The following RYR2 variants were observed in gnomAD, a reference collection of about 807,000 sequenced individuals.
RYR2 encodes the protein ryanodine receptor 2.
A neutral mutation model predicts 601.1 loss-of-function variants in RYR2; 227 were observed. The observed-to-expected ratio is 0.38, with a 90% CI of 0.34 to 0.42. The LOEUF (loss-of-function observed/expected upper bound fraction) is 0.42, where lower values mean the gene tolerates loss of function less well. RYR2 is among the 10% of genes least tolerant of loss of function. The probability of loss-of-function intolerance (pLI) is 1.00; values close to 1 mark genes in which losing one functional copy is unlikely to be tolerated. For missense variants in RYR2, 4,646 were observed against 6,156.5 expected (o/e 0.75, Z 8.21); for synonymous variants, 2,223 against 2,175.1 (o/e 1.02, Z -0.61).
intron 39 of RYR2, among the ~76,000 whole-genome samples, chr1:237,624,558 A>C (rs553406201): frequency 2.0e-5 from 3 of 152,194 alleles, no homozygotes; most frequent in Non-Finnish European, 4.4e-5. Context: ...GATCACAAAC[A>C]GTTGTATTTA....
At chr1:237,716,135 A>G (rs1288882370) in intron 71 of RYR2, among the ~76,000 whole-genome samples, 5 of 152,098 alleles carry the variant, frequency 3.3e-5, no homozygotes, top group Admixed American at 2.0e-4. Context: ...ACATAATTGT[A>G]TATTTTATAA....
chr1:237,195,395 A>G (rs914405251), intron 1 of RYR2, among the ~76,000 whole-genome samples: 13 of 152,170 alleles, frequency 8.5e-5, no homozygotes, highest in Non-Finnish European at 1.6e-4. Flanking sequence ...CTGGGATTAC[A>G]GGTGTGTATC....
At chr1:237,335,612 G>A (rs992993841) in intron 3 of RYR2, among the ~76,000 whole-genome samples, 1 of 152,048 alleles carries the variant, frequency 6.6e-6, no homozygotes, top group African/African-American at 2.4e-5. Context: ...ATTTCTGGGG[G>A]GATTGTAGGA....
At chr1:237,347,934 G>A (rs773803987) in intron 3 of RYR2, among the ~76,000 whole-genome samples, 1 of 152,200 alleles carries the variant, frequency 6.6e-6, no homozygotes, top group Non-Finnish European at 1.5e-5. Context: ...GAAGTGCACT[G>A]AGGTAGGTCT....
chr1:237,357,543 C>T (rs1222412837), intron 4 of RYR2, among the ~76,000 whole-genome samples: 1 of 152,200 alleles, frequency 6.6e-6, no homozygotes, highest in Non-Finnish European at 1.5e-5. Flanking sequence ...AAAGTCTTCC[C>T]TTCAGTTCCT....
chr1:237,371,071 G>T (rs1289235146), intron 6 of RYR2, among the ~76,000 whole-genome samples: 4 of 151,418 alleles, frequency 2.6e-5, no homozygotes, highest in Admixed American at 2.6e-4. Flanking sequence ...AAAACTGTTG[G>T]AGGCTTTTAA....
intron 2 of RYR2, among the ~76,000 whole-genome samples, chr1:237,316,043 T>C (rs1397708674): frequency 1.3e-5 from 2 of 152,048 alleles, no homozygotes; most frequent in African/African-American, 4.8e-5. Flanking sequence ...GGGGATCAGG[T>C]TAGAGAGATG....
At chr1:237,081,966 T>C (rs1400993677) in intron 1 of RYR2, among the ~76,000 whole-genome samples, 2 of 152,172 alleles carry the variant, frequency 1.3e-5, no homozygotes, top group Non-Finnish European at 2.9e-5. Flanking sequence ...TACTCCAAGA[T>C]AACTGTGATT....
intron 1 of RYR2, among the ~76,000 whole-genome samples, chr1:237,246,240 T>G (rs1044376553): frequency 6.6e-6 from 1 of 151,608 alleles, no homozygotes; most frequent in Admixed American, 6.6e-5. Context: ...GGATTACAGG[T>G]GCATGCCACC....
At chr1:237,384,392 G>GC (rs2149829103) in intron 8 of RYR2, among the ~76,000 whole-genome samples, 1 of 152,302 alleles carries the variant, frequency 6.6e-6, no homozygotes, top group South Asian at 2.1e-4. Flanking sequence ...CCACCTCTTA[G>GC]CATGTGCTGT....
chr1:237,568,838 A>C (rs961186680), intron 28 of RYR2, among the ~76,000 whole-genome samples: 1 of 152,188 alleles, frequency 6.6e-6, no homozygotes, highest in Non-Finnish European at 1.5e-5. Flanking sequence ...AAGGCATATA[A>C]GTTTTCTTTC....
chr1:237,564,312 C>T (rs1469621199), intron 27 of RYR2, among the ~76,000 whole-genome samples: 2 of 151,864 alleles, frequency 1.3e-5, no homozygotes, highest in African/African-American at 4.8e-5. Context: ...GCTCTGTTGC[C>T]CAGGCTAGAG....
chr1:237,788,598 T>A lies in RYR2; in HGVS notation c.13476+463T>A, dbSNP rs573215330. On this transcript the variant is annotated intron_variant, in intron 92 of 104. Transcript: ENST00000366574. ...AAAATATTAGCTAATTGAGCCATAGTCAGTATTTCTATAACATCACCCTTT... is the reference window on the plus strand; with the variant it reads ...AAAATATTAGCTAATTGAGCCATAGACAGTATTTCTATAACATCACCCTTT... Among the ~76,000 whole-genome samples the A allele has an allele frequency of 2.5e-4, 38 of 152,324 alleles. No homozygotes were observed. The South Asian group carries it at 7.9e-3, about 32-fold the overall frequency.
At chr1:237,123,757 TC>T (rs1344573920) in intron 1 of RYR2, among the ~76,000 whole-genome samples, 3 of 144,664 alleles carry the variant, frequency 2.1e-5, no homozygotes, top group Non-Finnish European at 4.5e-5. Context: ...AAGCTCCGCT[TC>T]CCGGGTTCAC....
chr1:237,443,001 T>C (rs1219838188), intron 13 of RYR2, among the ~76,000 whole-genome samples: 2 of 152,234 alleles, frequency 1.3e-5, no homozygotes, highest in Non-Finnish European at 2.9e-5. Flanking sequence ...TTTCCAACCA[T>C]GTCTTTGGTT....
At chr1:237,283,207 T>C (rs2149389329) in intron 2 of RYR2, among the ~76,000 whole-genome samples, 1 of 152,362 alleles carries the variant, frequency 6.6e-6, no homozygotes, top group East Asian at 1.9e-4. Flanking sequence ...GTGTTTACAA[T>C]GCATCTCCCT....
chr1:237,496,481 T>G (rs769390979), intron 19 of RYR2, 30 bp from the exon 20 acceptor site: 3 of 1,599,558 alleles, frequency 1.9e-6, no homozygotes, highest in South Asian at 1.1e-5. Context: ...TTTTGGACTT[T>G]CCTTACATGT....
chr1:237,267,834 C>G (rs1278129087), intron 1 of RYR2, among the ~76,000 whole-genome samples: 1 of 152,180 alleles, frequency 6.6e-6, no homozygotes, highest in Non-Finnish European at 1.5e-5. Flanking sequence ...TTATCTGAAT[C>G]TAATTCAGAT....
At chr1:237,404,547 G>A (rs548798629) in intron 10 of RYR2, among the ~76,000 whole-genome samples, 4 of 152,230 alleles carry the variant, frequency 2.6e-5, no homozygotes, top group Admixed American at 1.3e-4. Flanking sequence ...ATATTAAGAA[G>A]ACCAAATTCT....
Sources: gnomAD v4.1 joint callset for allele counts (sites outside exome capture counted in the v4.1 genomes callset) on GRCh38, gnomAD v4.1.1 for gene constraint, MANE v1.5 for transcripts, NCBI Gene and HGNC (gene_info 2026-07-23, HGNC 2026-07-21) for gene names.